CEP112: variants seen among roughly 807,000 people sequenced by gnomAD.
CEP112 encodes centrosomal protein of 112 kDa.
A neutral mutation model predicts 153.0 loss-of-function variants in CEP112; 127 were observed. The observed-to-expected ratio is 0.83, with a 90% CI of 0.72 to 0.96. The LOEUF is 0.96. CEP112 is among the 40% of genes least tolerant of loss of function. The pLI, the probability that CEP112 is intolerant of heterozygous loss-of-function variation, is 0.00. For synonymous variants in CEP112, 358 were observed against 374.4 expected (o/e 0.96, Z 0.51); for missense variants, 1,089 against 1,101.2 (o/e 0.99, Z 0.16).
At chr17:65,951,749 C>CCCCGCCCG (rs71160510) in intron 18 of CEP112, among the ~76,000 whole-genome samples, 1 of 106,148 alleles carries the variant, frequency 9.4e-6, no homozygotes, top group Non-Finnish European at 2.0e-5. Context: ...CCCCGCCCCC[C>CCCCGCCCG]CCTTTCTTCC....
At chr17:65,847,503 T>A (rs2057771458) in intron 21 of CEP112, among the ~76,000 whole-genome samples, 1 of 152,232 alleles carries the variant, frequency 6.6e-6, no homozygotes, top group Admixed American at 6.5e-5. Context: ...TCTTTTCAAG[T>A]CTTGTCAGAG....
rs9907656 is a variant in CEP112 at position 66,059,517 on chromosome 17, C to A, written c.1074+3446G>T. 5.5e-3 allele frequency among the ~76,000 whole-genome samples: 836 copies of A among 152,242 alleles called. 9 individuals carry two copies. The highest frequency in any genetic ancestry group is 0.019 in the African/African-American group (805 of 41,536). ...TGAACAAACAATTCTCAAAAAAAGA[C>A]ATACAAGTGGCCAACAAACATACGA... On this transcript the variant is annotated intron_variant, in intron 11 of 26. Coordinates refer to ENST00000535342, the MANE Select transcript of CEP112 (RefSeq NM_001199165.4).
chr17:66,037,017 T>C (rs963133776), intron 12 of CEP112, among the ~76,000 whole-genome samples: 4 of 152,188 alleles, frequency 2.6e-5, no homozygotes, highest in African/African-American at 9.7e-5. Context: ...AAGGGCTGGC[T>C]AGTGAAATTC....
intron 4 of CEP112, among the ~76,000 whole-genome samples, chr17:66,138,491 C>T (rs1337421277): frequency 1.3e-4 from 20 of 152,082 alleles, no homozygotes; most frequent in Admixed American, 1.1e-3. Context: ...TATGGGACAA[C>T]TTGGATGGTT....
intron 21 of CEP112, among the ~76,000 whole-genome samples, chr17:65,833,331 C>T (rs934372098): frequency 6.6e-6 from 1 of 152,062 alleles, no homozygotes; most frequent in African/African-American, 2.4e-5. Context: ...CTCCTATTCA[C>T]CACTGTATTG....
At chr17:66,099,581 T>C (rs1413703752) in intron 6 of CEP112, among the ~76,000 whole-genome samples, 3 of 150,082 alleles carry the variant, frequency 2.0e-5, no homozygotes, top group Non-Finnish European at 4.4e-5. Context: ...GTTAAAGAAG[T>C]TAAACTTCAG....
intron 24 of CEP112, among the ~76,000 whole-genome samples, chr17:65,683,773 G>A (rs2047648053): frequency 6.6e-6 from 1 of 152,204 alleles, no homozygotes; most frequent in African/African-American, 2.4e-5. Context: ...GCTGGGTGCG[G>A]TGGCTCAGGC....
At chr17:66,018,104 T>C (rs1274093332) in intron 16 of CEP112, among the ~76,000 whole-genome samples, 2 of 152,074 alleles carry the variant, frequency 1.3e-5, no homozygotes, top group African/African-American at 4.8e-5. Flanking sequence ...AATGTACAAA[T>C]GGTAGTAAGC....
At chr17:65,654,041 A>C (rs1164612748) in intron 24 of CEP112, among the ~76,000 whole-genome samples, 1 of 145,134 alleles carries the variant, frequency 6.9e-6, no homozygotes, top group Non-Finnish European at 1.5e-5. Flanking sequence ...CCTGGCAACC[A>C]GAGCAAGACT....
chr17:66,186,799 C>G (rs1165488156), intron 1 of CEP112, among the ~76,000 whole-genome samples: 1 of 152,182 alleles, frequency 6.6e-6, no homozygotes, highest in East Asian at 1.9e-4. Flanking sequence ...AAAACTTTTC[C>G]CAAATATCCT....
intron 6 of CEP112, among the ~76,000 whole-genome samples, chr17:66,126,989 G>A (rs943497818): frequency 1.3e-5 from 2 of 152,030 alleles, no homozygotes; most frequent in African/African-American, 4.8e-5. Flanking sequence ...CTAATAAATT[G>A]AATACTTAAA....
chr17:65,735,550 CTTAA>C (rs879706518), intron 23 of CEP112, among the ~76,000 whole-genome samples: 62,121 of 152,060 alleles, frequency 0.41, 14,436 homozygotes, highest in South Asian at 0.61. Flanking sequence ...TGAAAATGTA[CTTAA>C]TATCCTGATT....
chr17:66,078,607 T>C (rs542104271), intron 8 of CEP112, among the ~76,000 whole-genome samples: 135 of 152,312 alleles, frequency 8.9e-4, no homozygotes, highest in South Asian at 4.8e-3. Context: ...GCAATGTTAG[T>C]ATTGAAATGT....
At chr17:65,829,022 A>G (rs937333526) in intron 21 of CEP112, among the ~76,000 whole-genome samples, 15 of 152,174 alleles carry the variant, frequency 9.9e-5, no homozygotes, top group African/African-American at 3.4e-4. Flanking sequence ...TCTCAACAAT[A>G]GCATTTTAGA....
At chr17:66,147,173 T>G (rs2070953929) in intron 4 of CEP112, among the ~76,000 whole-genome samples, 1 of 144,906 alleles carries the variant, frequency 6.9e-6, no homozygotes, top group African/African-American at 2.4e-5. Flanking sequence ...ACCAACACTT[T>G]TTTTTTCACA....
At chr17:65,970,354 T>C (rs62064273) in intron 17 of CEP112, among the ~76,000 whole-genome samples, 45,100 of 112,402 alleles carry the variant, frequency 0.4, 10,456 homozygotes, top group East Asian at 0.88. Flanking sequence ...ATGTGCACTA[T>C]GTGCCTATAT....
chr17:65,860,481 C>A (rs188798334), intron 20 of CEP112, among the ~76,000 whole-genome samples: 4 of 152,200 alleles, frequency 2.6e-5, no homozygotes. Context: ...GTGTGATATT[C>A]CCTACAAGAA....
At chr17:66,018,184 T>C (rs751628936) in intron 16 of CEP112, among the ~76,000 whole-genome samples, 3 of 152,176 alleles carry the variant, frequency 2.0e-5, no homozygotes, top group Non-Finnish European at 4.4e-5. Flanking sequence ...TTAAAAGTGA[T>C]AGGTAATGAC....
intron 26 of CEP112, chr17:65,636,888 A>C: frequency 2.1e-6 from 1 of 479,322 alleles, no homozygotes; most frequent in Non-Finnish European, 3.7e-6. Flanking sequence ...CTGGGATTAC[A>C]GGAGTGAGCC....
Sources: gnomAD v4.1 joint callset for allele counts (sites outside exome capture counted in the v4.1 genomes callset) on GRCh38, gnomAD v4.1.1 for gene constraint, MANE v1.5 for transcripts, NCBI Gene and HGNC (gene_info 2026-07-23, HGNC 2026-07-21) for gene names.